Variants in LPAR3 observed in about 807,000 individuals in gnomAD.
The protein encoded by LPAR3 is LPA receptor 3.
A neutral mutation model predicts 17.8 loss-of-function variants in LPAR3; 7 were observed. That is an observed-to-expected ratio of 0.39 (90% CI 0.22 to 0.74). The LOEUF is 0.74. LPAR3 is among the 30% of genes least tolerant of loss of function. The pLI is 0.40. For synonymous variants in LPAR3, 179 were observed against 179.9 expected (o/e 0.99, Z 0.04); for missense variants, 391 against 453.4 (o/e 0.86, Z 1.25).
At position 84,859,790 on chromosome 1, in the gene LPAR3, T is replaced by C. The variant is rs543888628; in HGVS notation, c.736+5595A>G. ...GCAAGTCCCTTCCCTCTTTCTTTTC[T>C]CTTGTATTTTAAGACACTGCAAAAT... is the stretch of plus-strand genomic sequence containing the variant. On this transcript the variant is annotated intron_variant, in intron 2 of 2. Transcript: ENST00000370611. 1.1e-4 allele frequency among the ~76,000 whole-genome samples: 17 copies of C among 152,370 alleles called. 1 individual carries two copies. In the South Asian group the frequency reaches 3.5e-3, roughly 32 times the overall value.
In LPAR3 at chr1:84,866,026, A is replaced by G. The variant is rs1002580154; in HGVS notation, c.95T>C (p.Ile32Thr). 1.2e-6 allele frequency: 2 copies of G among 1,614,076 alleles called. No individual in the cohort carries two copies. The highest frequency in any genetic ancestry group is 2.7e-5 in the African/African-American group (2 of 74,928). Residue 32 changes from isoleucine (I) to threonine (T), a missense_variant, in exon 2 of 3, where the codon ATT (isoleucine) becomes ACT (threonine). Ile to Thr is a moderately conservative substitution (Grantham distance 89). Coordinates refer to ENST00000370611, the MANE Select transcript of LPAR3 (RefSeq NM_012152.3). ...GAAAAACGTCCCAACACACAAAACA[A>G]TCACAAGCTTTGTTCCTGTCCAGTC... The part of the protein sequence containing the change: ...VDDWTGTKLV[I>T]VLCVGTFFCL...
chr1:84,862,724 T>C (rs1030744053), intron 2 of LPAR3, among the ~76,000 whole-genome samples: 1 of 152,222 alleles, frequency 6.6e-6, no homozygotes, highest in Admixed American at 6.5e-5. Context: ...CCACACATAC[T>C]GTATCCTCCA....
intron 2 of LPAR3, among the ~76,000 whole-genome samples, chr1:84,850,800 A>G (rs1441713704): frequency 6.6e-6 from 1 of 152,252 alleles, no homozygotes; most frequent in South Asian, 2.1e-4. Flanking sequence ...CCTGCATTCC[A>G]GGAAGCAATT....
chr1:84,889,965 G>C (rs1456655682), intron 1 of LPAR3, among the ~76,000 whole-genome samples: 1 of 152,184 alleles, frequency 6.6e-6, no homozygotes, highest in Non-Finnish European at 1.5e-5. Context: ...AATCTATTCA[G>C]GGTCACAAGA....
chr1:84,818,050 G>A (rs931720371), intron 2 of LPAR3, among the ~76,000 whole-genome samples: 7 of 152,100 alleles, frequency 4.6e-5, no homozygotes, highest in African/African-American at 1.4e-4. Context: ...TCCACTGATC[G>A]GCTGTGTGCC....
chr1:84,871,897 A>C (rs946726628), intron 1 of LPAR3, among the ~76,000 whole-genome samples: 1 of 152,044 alleles, frequency 6.6e-6, no homozygotes, highest in Non-Finnish European at 1.5e-5. Context: ...GCCACTCTCT[A>C]AAGAGCACCC....
intron 2 of LPAR3, among the ~76,000 whole-genome samples, chr1:84,850,601 A>G (rs1057065327): frequency 6.6e-6 from 1 of 152,032 alleles, no homozygotes; most frequent in Non-Finnish European, 1.5e-5. Flanking sequence ...AAGGGAAAAA[A>G]GAAACAAAAC....
chr1:84,863,059 C>T (rs74364002), intron 2 of LPAR3, among the ~76,000 whole-genome samples: 11,795 of 151,684 alleles, frequency 0.078, 545 homozygotes, highest in Middle Eastern at 0.14. Context: ...TTTCTCTCCT[C>T]CCTTTTTTTT....
At chr1:84,815,424 A>G (rs1031595321) in intron 2 of LPAR3, among the ~76,000 whole-genome samples, 1 of 152,240 alleles carries the variant, frequency 6.6e-6, no homozygotes, top group African/African-American at 2.4e-5. Flanking sequence ...CTAACAGAGA[A>G]GACGACAAAC....
intron 2 of LPAR3, among the ~76,000 whole-genome samples, chr1:84,864,645 G>C (rs1660004696): frequency 6.6e-6 from 1 of 152,052 alleles, no homozygotes. Context: ...AGCTGGGCAT[G>C]GTGGTGCGCT....
intron 2 of LPAR3, among the ~76,000 whole-genome samples, chr1:84,817,563 C>T (rs1658962396): frequency 6.6e-6 from 1 of 152,194 alleles, no homozygotes; most frequent in Non-Finnish European, 1.5e-5. Context: ...CGGGGAGCAT[C>T]TGCTTAAGGC....
chr1:84,891,178 T>C (rs868237927), intron 1 of LPAR3, among the ~76,000 whole-genome samples: 44 of 141,064 alleles, frequency 3.1e-4, no homozygotes, highest in Admixed American at 9.8e-4. Context: ...AAAAGAGTGG[T>C]AGTTGATAAA....
chr1:84,819,189 A>G (rs1413243542), intron 2 of LPAR3, among the ~76,000 whole-genome samples: 1 of 152,208 alleles, frequency 6.6e-6, no homozygotes, highest in South Asian at 2.1e-4. Context: ...GTTGGTAGCT[A>G]TAGCTTTTGA....
At chr1:84,873,356 T>G (rs1660192164) in intron 1 of LPAR3, among the ~76,000 whole-genome samples, 1 of 152,226 alleles carries the variant, frequency 6.6e-6, no homozygotes, top group Non-Finnish European at 1.5e-5. Flanking sequence ...TTTCTGTATA[T>G]AGAAGACTGC....
At chr1:84,837,219 C>T (rs1355004892) in intron 2 of LPAR3, among the ~76,000 whole-genome samples, 1 of 152,154 alleles carries the variant, frequency 6.6e-6, no homozygotes, top group Non-Finnish European at 1.5e-5. Context: ...GACAGGGTTT[C>T]ACCATGTTAG....
intron 2 of LPAR3, among the ~76,000 whole-genome samples, chr1:84,855,602 A>G (rs1378587362): frequency 6.6e-6 from 1 of 152,226 alleles, no homozygotes; most frequent in Non-Finnish European, 1.5e-5. Context: ...GAAAAGCCAG[A>G]AGTTCTGAAG....
At chr1:84,881,889 AAAAACTG>A (rs1660372446) in intron 1 of LPAR3, among the ~76,000 whole-genome samples, 1 of 152,240 alleles carries the variant, frequency 6.6e-6, no homozygotes, top group Admixed American at 6.5e-5. Context: ...CTCAATGGTG[AAAAACTG>A]AAAGCTTTTG....
chr1:84,836,945 T>A, intron 2 of LPAR3, among the ~76,000 whole-genome samples: 1 of 152,156 alleles, frequency 6.6e-6, no homozygotes, highest in East Asian at 1.9e-4. Context: ...ATCCAATCAG[T>A]GTAGTTAGTA....
At position 84,832,170 on chromosome 1, in the gene LPAR3, A is replaced by G. The variant is rs575227712; in HGVS notation, c.737-17999T>C. ...AACAGTGCTGTACTGCCGATCCACC[A>G]TGATCCCCCACGAAAGGGCAGTCAC... is the stretch of plus-strand genomic sequence containing the variant. On this transcript the variant is annotated intron_variant, in intron 2 of 2. Coordinates refer to ENST00000370611, the MANE Select transcript of LPAR3 (RefSeq NM_012152.3). Among the ~76,000 whole-genome samples, 3 of 152,236 alleles carry G rather than the reference A, an allele frequency of 2.0e-5. No individual in the cohort carries two copies. In the East Asian group the frequency reaches 5.8e-4, roughly 29 times the overall value.
Sources: gnomAD v4.1 joint callset for allele counts (sites outside exome capture counted in the v4.1 genomes callset) on GRCh38, gnomAD v4.1.1 for gene constraint, MANE v1.5 for transcripts, NCBI Gene and HGNC (gene_info 2026-07-23, HGNC 2026-07-21) for gene names.